Variants in FGD2 observed in about 807,000 individuals in gnomAD.
FGD2 encodes the protein FYVE, RhoGEF and PH domain containing 2.
Under a neutral mutation model 75.9 loss-of-function variants are expected in FGD2, and 52 were observed. The observed-to-expected ratio is 0.69, with a 90% CI of 0.55 to 0.86. The LOEUF is 0.86. Among genes scored for constraint, FGD2 ranks in the 40% least tolerant of loss-of-function variants. The pLI is 0.00. For missense variants in FGD2, 790 were observed against 872.0 expected, an observed-to-expected ratio of 0.91 and a Z score of 1.18; for synonymous variants, 347 against 348.6, an observed-to-expected ratio of 1.00 and a Z score of 0.05.
rs538171152 is a variant in FGD2, at chr6:37,028,481, G to A, written c.*318G>A. On this transcript the variant is annotated 3_prime_UTR_variant, in exon 16 of 16. Coordinates refer to ENST00000274963, the MANE Select transcript of FGD2 (RefSeq NM_173558.4). Reference sequence around the variant, plus strand: ...GTCACCATAGTATGGTTTTTCATTTGTATCTCCTGGGGAGCTTTTAAAGAG... The same window carrying A: ...GTCACCATAGTATGGTTTTTCATTTATATCTCCTGGGGAGCTTTTAAAGAG... 4 of 338,224 alleles carry A rather than the reference G, an allele frequency of 1.2e-5. No individual in the cohort carries two copies. The highest frequency in any genetic ancestry group is 6.2e-5 in the African/African-American group (3 of 48,112). The allele number at this position is 338,224 out of a possible 1,614,324, so 21.0% of individuals were successfully genotyped here.
At chr6:37,026,149 C>T (rs1765813070) in intron 14 of FGD2, 1 of 985,326 alleles carries the variant, frequency 1.0e-6, no homozygotes, top group African/African-American at 1.7e-5. Context: ...ATGGAGGCAC[C>T]CTTTGGCTGC....
At chr6:37,012,711 T>TA (rs376918197) in intron 4 of FGD2, among the ~76,000 whole-genome samples, 28,154 of 126,936 alleles carry the variant, frequency 0.22, 3,251 homozygotes, top group East Asian at 0.48. Flanking sequence ...GACCCTGACT[T>TA]AAAAAAAAAA....
At chr6:37,026,152 T>C (rs1765813169) in intron 14 of FGD2, 1 of 985,274 alleles carries the variant, frequency 1.0e-6, no homozygotes, top group Non-Finnish European at 1.2e-6. Context: ...GAGGCACCCT[T>C]TGGCTGCAGG....
At chr6:37,010,848 G>A (rs944007229) in intron 2 of FGD2, 125 bp from the exon 3 acceptor site, 19 of 863,308 alleles carry the variant, frequency 2.2e-5, no homozygotes, top group Middle Eastern at 4.5e-4. Context: ...CACTGCGGGA[G>A]GCCATGAATC....
At chr6:37,014,129 G>A (rs376839584) in intron 6 of FGD2, 29 bp downstream of exon 6, 3 of 1,607,376 alleles carry the variant, frequency 1.9e-6, no homozygotes, top group Non-Finnish European at 2.5e-6. Flanking sequence ...GTCCCAGGGG[G>A]CTGAGGAGGC....
At chr6:37,008,718 C>A in intron 1 of FGD2, 116 bp from the exon 2 acceptor site, 1 of 912,060 alleles carries the variant, frequency 1.1e-6, no homozygotes. Flanking sequence ...AGCCAGGCAC[C>A]CAGGGGCCCC....
intron 9 of FGD2, among the ~76,000 whole-genome samples, chr6:37,020,180 G>A (rs1288323822): frequency 6.6e-6 from 1 of 152,172 alleles, no homozygotes; most frequent in Non-Finnish European, 1.5e-5. Context: ...GTTTTATTAT[G>A]AAAATTTTAA....
At chr6:37,015,431 C>G (rs1028484184) in intron 8 of FGD2, among the ~76,000 whole-genome samples, 7 of 152,200 alleles carry the variant, frequency 4.6e-5, no homozygotes, top group Non-Finnish European at 1.0e-4. Flanking sequence ...AAAGGTGGTC[C>G]TGCCTGGAGG....
Position 37,005,728 on chromosome 6 carries a change from C to T in FGD2, c.-90C>T. 1 of 1,390,102 alleles carries T rather than the reference C, an allele frequency of 7.2e-7. No individual in the cohort carries two copies. Among genetic ancestry groups the T allele is most frequent in the Non-Finnish European group, 1.0e-6 (1 of 988,596 alleles). 86.1% of individuals were successfully genotyped at this position (1,390,102 alleles called of 1,614,324 possible). A position where few individuals can be genotyped will look rare whatever the true frequency, so the allele number is the denominator to read the frequency against. The stretch of plus-strand genomic sequence containing the variant: ...CAGATTCATGGGTGATTTAGCCTAT[C>T]TGTCCCAGGCCAGCGTGGCTGAGTG... On this transcript the variant is annotated 5_prime_UTR_variant, in exon 1 of 16. Coordinates refer to ENST00000274963, the MANE Select transcript of FGD2 (RefSeq NM_173558.4).
intron 9 of FGD2, among the ~76,000 whole-genome samples, chr6:37,018,889 T>C (rs1765434531): frequency 6.6e-6 from 1 of 152,222 alleles, no homozygotes; most frequent in Admixed American, 6.5e-5. Flanking sequence ...CTGTATGGAC[T>C]AGCAGGGGAC....
chr6:37,020,918 GTGTA>G (rs1322022938), intron 11 of FGD2, among the ~76,000 whole-genome samples, 179 bp downstream of exon 11: 20 of 150,916 alleles, frequency 1.3e-4, no homozygotes, highest in Admixed American at 5.3e-4. Flanking sequence ...GTGTGCATGT[GTGTA>G]TGCATGTGTG....
intron 14 of FGD2, chr6:37,026,241 C>A: frequency 1.6e-5 from 16 of 985,438 alleles, no homozygotes; most frequent in Non-Finnish European, 1.9e-5. Context: ...ATGTTCACGT[C>A]CCCATGTCCT....
Position 37,028,110 on chromosome 6 carries a change from G to T in FGD2, c.1915G>T (p.Ala639Ser). 1 of 1,610,638 alleles carries T rather than the reference G, an allele frequency of 6.2e-7. No individual in the cohort carries two copies. Among genetic ancestry groups the T allele is most frequent in the Non-Finnish European group, 8.5e-7 (1 of 1,178,620 alleles). The stretch of plus-strand genomic sequence containing the variant: ...CCGCTGGGTGAAGGCCATGGAGCGG[G>T]CGGCCAGTGGCTGGAGCCCCAGCTG... Reference protein sequence around the residue: ...KGRWVKAMERAASGWSPSWPN... With the variant: ...KGRWVKAMERSASGWSPSWPN... Residue 639 changes from alanine to serine, a missense_variant, in exon 16 of 16, where the codon GCG becomes TCG. By Grantham distance (99) the Ala-to-Ser change is moderately conservative. Transcript: ENST00000274963.
rs964314796 is a variant in FGD2, at chr6:37,014,099, G to A, written c.822G>A (p.Gln274=). 5 of 1,613,670 alleles carry A rather than the reference G, an allele frequency of 3.1e-6. No homozygotes were observed. Among genetic ancestry groups the A allele is most frequent in the Admixed American group, 1.7e-5 (1 of 59,970 alleles). The part of the protein sequence containing the change: ...PAQAPDQADA[Q]KALDMIFSAA... ...AGGCCCCAGACCAGGCCGATGCCCAGAGTGAGGACACCCCCAGGGGTCCCA... is the reference window on the plus strand; with the variant it reads ...AGGCCCCAGACCAGGCCGATGCCCAAAGTGAGGACACCCCCAGGGGTCCCA... Residue 274 remains glutamine (Q), a splice_region_variant and synonymous_variant, in exon 6 of 16, where the codon CAG becomes CAA. Transcript: ENST00000274963.
intron 12 of FGD2, chr6:37,021,854 A>G: frequency 2.0e-6 from 1 of 504,368 alleles, no homozygotes; most frequent in Non-Finnish European, 3.5e-6. Context: ...CTGCAGCTCC[A>G]GCTGCAGGGG....
Position 37,021,368 on chromosome 6 carries a change from G to A in FGD2, c.1234-144G>A, listed in dbSNP as rs1007618194. The A allele has an allele frequency of 1.4e-5, 9 of 662,966 alleles. No homozygotes were observed. The African/African-American group carries it at 1.6e-4, about 12-fold the overall frequency. 41.1% of individuals were successfully genotyped at this position (662,966 alleles called of 1,614,324 possible). A position where few individuals can be genotyped will look rare whatever the true frequency, so the allele number is the denominator to read the frequency against. The stretch of plus-strand genomic sequence containing the variant: ...GGGCTGGTAGTTTCTCCTCCGATAA[G>A]GCAGCCCGCGTGTGTGTAGAATCCA... On this transcript the variant is annotated intron_variant, in intron 11 of 15. Coordinates refer to ENST00000274963, the MANE Select transcript of FGD2 (RefSeq NM_173558.4).
intron 9 of FGD2, among the ~76,000 whole-genome samples, chr6:37,016,243 A>G (rs905828212): frequency 2.0e-5 from 3 of 152,314 alleles, no homozygotes; most frequent in African/African-American, 7.2e-5. Context: ...ATTTCTAACC[A>G]GCTCCCAGTT....
chr6:37,015,018 A>G lies in FGD2; in HGVS notation c.1009A>G (p.Met337Val). 1 of 1,613,864 alleles carries G rather than the reference A, an allele frequency of 6.2e-7. No homozygotes were observed. The highest frequency in any genetic ancestry group is 8.5e-7 in the Non-Finnish European group (1 of 1,179,908). Reference sequence around the variant, plus strand: ...GATCTCCTTCCGCCGCAACGACCCCATGGAGCGCTACCTTTTCTTGGTAAG... The same window carrying G: ...GATCTCCTTCCGCCGCAACGACCCCGTGGAGCGCTACCTTTTCTTGGTAAG... Reference protein sequence around the residue: ...LKISFRRNDPMERYLFLFNNM... With the variant: ...LKISFRRNDPVERYLFLFNNM... The change falls in exon 8 of 16, where the codon ATG becomes GTG. Residue 337 changes from methionine (M) to valine (V), a missense_variant. Coordinates refer to ENST00000274963, the MANE Select transcript of FGD2 (RefSeq NM_173558.4).
chr6:37,011,237 T>C, intron 3 of FGD2, 187 bp downstream of exon 3: 1 of 622,014 alleles, frequency 1.6e-6, no homozygotes. Flanking sequence ...TTAGCAGTAC[T>C]CCCCATTCTG....
Sources: gnomAD v4.1 joint callset for allele counts (sites outside exome capture counted in the v4.1 genomes callset) on GRCh38, gnomAD v4.1.1 for gene constraint, MANE v1.5 for transcripts, NCBI Gene and HGNC (gene_info 2026-07-23, HGNC 2026-07-21) for gene names.